Variants in CENPE observed in about 807,000 individuals in gnomAD.
CENPE encodes centromere protein E.
In CENPE, 145 loss-of-function variants were observed where a neutral mutation model predicts 336.1. The observed-to-expected ratio is 0.43, with a 90% CI of 0.38 to 0.50. The LOEUF (loss-of-function observed/expected upper bound fraction) is 0.50, where lower values mean the gene tolerates loss of function less well. CENPE is among the 20% of genes least tolerant of loss of function. CENPE has a pLI of 0.00. For missense variants in CENPE, 2,719 were observed against 3,023.3 expected (o/e 0.90, Z 2.36); for synonymous variants, 1,013 against 984.8 (o/e 1.03, Z -0.54).
At chr4:103,198,210 T>C in intron 1 of CENPE, 54 bp downstream of exon 1, 1 of 1,526,670 alleles carries the variant, frequency 6.6e-7, no homozygotes, top group South Asian at 1.2e-5. Flanking sequence ...CCCCTCCGGC[T>C]CAGGGCGGCG....
intron 8 of CENPE, among the ~76,000 whole-genome samples, chr4:103,191,686 C>T (rs1037523747): frequency 6.6e-6 from 1 of 151,590 alleles, no homozygotes; most frequent in Admixed American, 6.6e-5. Context: ...AGGAGATATA[C>T]CTAATGTAAA....
chr4:103,149,038 C>A, intron 27 of CENPE, 39 bp from the exon 28 acceptor site: 1 of 1,598,176 alleles, frequency 6.3e-7, no homozygotes, highest in Non-Finnish European at 8.5e-7. Context: ...TAATATTCTT[C>A]CAACATTGCT....
At position 103,108,979 on chromosome 4, in the gene CENPE, G is replaced by A. The variant is rs762917141; in HGVS notation, c.7835C>T (p.Thr2612Ile). 2 of 1,613,794 alleles carry A rather than the reference G, an allele frequency of 1.2e-6. No homozygotes were observed. The highest frequency in any genetic ancestry group is 1.1e-5 in the South Asian group (1 of 91,074). The stretch of plus-strand genomic sequence containing the variant: ...TTGTTTCTTTTTAGAAGCTGTTCCA[G>A]TCACTTTAGGAGACTTTGGAGAATT... Reference protein sequence around the residue: ...CENSPKSPKVTGTASKKKQIT... With the variant: ...CENSPKSPKVIGTASKKKQIT... The change falls in exon 48 of 49, where the codon ACT becomes ATT. Residue 2612 changes from threonine (T) to isoleucine (I), a missense_variant. Around this residue, in one of 5 missense-constraint regions of CENPE, gnomAD observed 2,437 missense variants for 2,513.3 expected, o/e 0.97. Transcript: ENST00000265148.
At chr4:103,188,059 T>C (rs1756956879) in intron 8 of CENPE, among the ~76,000 whole-genome samples, 1 of 152,014 alleles carries the variant, frequency 6.6e-6, no homozygotes, top group African/African-American at 2.4e-5. Context: ...GGCCATTACA[T>C]AATGGTAAAG....
At chr4:103,141,151 G>T in intron 35 of CENPE, 47 bp from the exon 36 acceptor site, 1 of 1,096,142 alleles carries the variant, frequency 9.1e-7, no homozygotes, top group Non-Finnish European at 1.3e-6. Flanking sequence ...TTTAGGGACA[G>T]ATAAATAATA....
At chr4:103,165,156 G>A (rs1487784787) in intron 16 of CENPE, among the ~76,000 whole-genome samples, 1 of 152,058 alleles carries the variant, frequency 6.6e-6, no homozygotes, top group Non-Finnish European at 1.5e-5. Context: ...GTGAAAGTGT[G>A]TGAAAAGGAA....
At chr4:103,115,172 C>G (rs531066218) in intron 45 of CENPE, among the ~76,000 whole-genome samples, 1 of 150,462 alleles carries the variant, frequency 6.6e-6, no homozygotes, top group African/African-American at 2.5e-5. Context: ...TTGGTCTTGT[C>G]CCCCAGGCTG....
rs759603419 is a variant in CENPE at position 103,145,257 on chromosome 4, C to T, written c.4650G>A (p.Leu1550=). Residue 1550 remains leucine (L), a synonymous_variant, in exon 32 of 49, where the codon CTG becomes CTA. Transcript: ENST00000265148. The part of the protein sequence containing the change: ...ISEVQEKVNE[L]KQFKEHRKAK... ...CTTTGCGATGCTCCTTGAATTGTTTCAGTTCATTCACTTTTTCCTGAACCT... is the reference window on the plus strand; with the variant it reads ...CTTTGCGATGCTCCTTGAATTGTTTTAGTTCATTCACTTTTTCCTGAACCT... 8.1e-6 allele frequency: 13 copies of T among 1,612,442 alleles called. No individual in the cohort carries two copies. In the Admixed American group the frequency reaches 8.3e-5, roughly 10 times the overall value.
intron 13 of CENPE, among the ~76,000 whole-genome samples, chr4:103,178,047 T>TC: frequency 6.6e-6 from 1 of 152,064 alleles, no homozygotes; most frequent in South Asian, 2.1e-4. Flanking sequence ...GACTTTTTTT[T>TC]TTTTTTTTGC....
chr4:103,159,417 G>C, intron 21 of CENPE, 93 bp from the exon 22 acceptor site: 1 of 758,436 alleles, frequency 1.3e-6, no homozygotes. Flanking sequence ...AAAAAGAGAA[G>C]TTATTTACAT....
rs1560624590 is a variant in CENPE at position 103,144,508 on chromosome 4, C to T, written c.4968G>A (p.Gln1656=). 6 of 1,613,968 alleles carry T rather than the reference C, an allele frequency of 3.7e-6. No individual in the cohort carries two copies. The highest frequency in any genetic ancestry group is 5.1e-6 in the Non-Finnish European group (6 of 1,180,018). Residue 1656 remains glutamine, a synonymous_variant, in exon 33 of 49, where the codon CAG becomes CAA. Transcript: ENST00000265148. The part of the protein sequence containing the change: ...IEHLKEQFET[Q]KLNLENIETE... ...TTTCTATGTTTTCCAGGTTTAACTT[C>T]TGGGTCTCAAATTGCTCCTTCAAGT...
chr4:103,194,579 A>C (rs1757601900), intron 6 of CENPE, 24 bp downstream of exon 6: 1 of 1,574,676 alleles, frequency 6.4e-7, no homozygotes, highest in Non-Finnish European at 8.7e-7. Flanking sequence ...AAGTGTTCTA[A>C]AGAAATACAG....
In CENPE at chr4:103,160,752, C is replaced by T. The variant is rs1417775699; in HGVS notation, c.2159G>A (p.Gly720Glu). Residue 720 changes from glycine to glutamate, a missense_variant, in exon 21 of 49, where the codon GGA (glycine) becomes GAA (glutamate). Physicochemically the swap from Gly to Glu is moderately conservative, Grantham distance 98. This residue lies in a region of CENPE where 2,437 missense variants were observed against 2,513.3 expected (regional missense o/e 0.97). Coordinates refer to ENST00000265148, the MANE Select transcript of CENPE (RefSeq NM_001813.3). The stretch of plus-strand genomic sequence containing the variant: ...TTCTTTCTGAAGATCAGTAATCTTT[C>T]CTTCCAATTCCAAATTACAGAGCAA... Reference protein sequence around the residue: ...KDLLCNLELEGKITDLQKELN... With the variant: ...KDLLCNLELEEKITDLQKELN... 6.2e-7 allele frequency: 1 copy of T among 1,601,514 alleles called. No individual in the cohort carries two copies. Among genetic ancestry groups the T allele is most frequent in the East Asian group, 2.2e-5 (1 of 44,530 alleles).
At chr4:103,153,334 T>C in intron 24 of CENPE, 84 bp from the exon 25 acceptor site, 1 of 826,164 alleles carries the variant, frequency 1.2e-6, no homozygotes, top group Non-Finnish European at 1.9e-6. Context: ...AACACATCTA[T>C]TATGTGCCAG....
chr4:103,160,764 A>G lies in CENPE; in HGVS notation c.2147T>C (p.Leu716Ser). The G allele has an allele frequency of 6.3e-7, 1 of 1,597,746 alleles. No individual in the cohort carries two copies. Among genetic ancestry groups the G allele is most frequent in the Non-Finnish European group, 8.5e-7 (1 of 1,173,016 alleles). Residue 716 changes from leucine to serine, a missense_variant, in exon 21 of 49, where the codon TTG (leucine) becomes TCG (serine). This residue lies in a region of CENPE where 2,437 missense variants were observed against 2,513.3 expected (regional missense o/e 0.97). Coordinates refer to ENST00000265148, the MANE Select transcript of CENPE (RefSeq NM_001813.3). The stretch of plus-strand genomic sequence containing the variant: ...ATCAGTAATCTTTCCTTCCAATTCC[A>G]AATTACAGAGCAAATCTAGAAAGTT... ...GKVPKDLLCN[L>S]ELEGKITDLQ...
intron 47 of CENPE, 125 bp from the exon 48 acceptor site, chr4:103,109,214 A>T (rs1749174429): frequency 1.3e-6 from 1 of 795,592 alleles, no homozygotes; most frequent in Admixed American, 3.6e-5. Flanking sequence ...TGTACATTTT[A>T]TCACATTTAC....
chr4:103,163,519 T>C lies in CENPE; in HGVS notation c.1682A>G (p.Asn561Ser), dbSNP rs1215507253. The C allele has an allele frequency of 3.1e-6, 5 of 1,595,118 alleles. No individual in the cohort carries two copies. Among genetic ancestry groups the C allele is most frequent in the Non-Finnish European group, 3.4e-6 (4 of 1,172,094 alleles). ...ATATACTTCTGCATGCTTAACTAAA[T>C]TCTTTAAGTTCGAAATTTCATGAAT... ...QLIHEISNLK[N>S]LVKHAEVYNQ... is the part of the protein sequence containing the mutation. Residue 561 changes from asparagine to serine, a missense_variant, in exon 17 of 49, where the codon AAT (asparagine) becomes AGT (serine). This residue lies in a region of CENPE where 2,437 missense variants were observed against 2,513.3 expected (regional missense o/e 0.97). Coordinates refer to ENST00000265148, the MANE Select transcript of CENPE (RefSeq NM_001813.3).
chr4:103,162,843 C>A (rs918429211), intron 18 of CENPE, among the ~76,000 whole-genome samples: 2 of 152,118 alleles, frequency 1.3e-5, no homozygotes, highest in Non-Finnish European at 2.9e-5. Context: ...CAGGGATGAG[C>A]CACTGTGCCC....
At chr4:103,186,196 T>C (rs953878680) in intron 8 of CENPE, among the ~76,000 whole-genome samples, 7 of 152,204 alleles carry the variant, frequency 4.6e-5, no homozygotes, top group Non-Finnish European at 1.0e-4. Flanking sequence ...CTAGCTGAAC[T>C]ACTCACTATT....
Sources: gnomAD v4.1 joint callset for allele counts (sites outside exome capture counted in the v4.1 genomes callset) on GRCh38, gnomAD v4.1.1 for gene constraint, gnomAD v4.1.1 regional missense constraint, MANE v1.5 for transcripts, NCBI Gene and HGNC (gene_info 2026-07-23, HGNC 2026-07-21) for gene names.